The following POMGNT1 variants were observed in gnomAD, a reference collection of about 807,000 sequenced individuals.
POMGNT1 encodes the protein protein O-linked-mannose beta-1,2-N-acetylglucosaminyltransferase 1.
A neutral mutation model predicts 95.6 loss-of-function variants in POMGNT1; 67 were observed. That is an observed-to-expected ratio of 0.70 (90% CI 0.58 to 0.86). POMGNT1 has a LOEUF of 0.86. Ranked by LOEUF, POMGNT1 falls within the 40% of genes least tolerant of loss-of-function variation. The pLI, the probability that POMGNT1 is intolerant of heterozygous loss-of-function variation, is 0.00. For missense variants in POMGNT1, 719 were observed against 855.2 expected (o/e 0.84, Z 1.99); for synonymous variants, 298 against 317.9 (o/e 0.94, Z 0.66).
chr1:46,204,597 CT>C (rs1457690886), intron 1 of POMGNT1, among the ~76,000 whole-genome samples: 2 of 152,180 alleles, frequency 1.3e-5, no homozygotes, highest in Non-Finnish European at 2.9e-5. Context: ...ATCATGGGGG[CT>C]CTGAGACCAG....
chr1:46,202,801 G>T (rs1402860996), upstream of POMGNT1, among the ~76,000 whole-genome samples: 1 of 140,010 alleles, frequency 7.1e-6, no homozygotes, highest in Non-Finnish European at 1.5e-5. Context: ...TAATTCATAC[G>T]CACAGTCAAG....
intron 21 of POMGNT1, 26 bp from the exon 22 acceptor site, chr1:46,189,383 AGAG>A (rs1232466701): frequency 1.2e-6 from 2 of 1,614,120 alleles, no homozygotes; most frequent in Admixed American, 1.7e-5. Context: ...AAGAATGTAT[AGAG>A]AAGAAGCCAT....
upstream of POMGNT1, among the ~76,000 whole-genome samples, chr1:46,199,998 C>G (rs1339033430): frequency 2.0e-5 from 3 of 151,898 alleles, no homozygotes; most frequent in Admixed American, 2.0e-4. Context: ...GGTGAAACCC[C>G]GTCTCTACTA....
At chr1:46,213,919 G>T (rs1658981132) in intron 1 of POMGNT1, among the ~76,000 whole-genome samples, 1 of 151,962 alleles carries the variant, frequency 6.6e-6, no homozygotes, top group South Asian at 2.1e-4. Context: ...AGATCATCCT[G>T]TAGTGAGGCT....
intron 1 of POMGNT1, among the ~76,000 whole-genome samples, chr1:46,209,695 G>T (rs1658832956): frequency 6.6e-6 from 1 of 151,750 alleles, no homozygotes; most frequent in South Asian, 2.1e-4. Context: ...ATTTTTAGTA[G>T]AGACGGGGTT....
intron 1 of POMGNT1, among the ~76,000 whole-genome samples, chr1:46,212,309 C>G (rs900446826): frequency 6.8e-6 from 1 of 147,136 alleles, no homozygotes; most frequent in African/African-American, 2.5e-5. Flanking sequence ...GAGACGGAGT[C>G]TTGCTATGTC....
chr1:46,190,051 G>T, intron 19 of POMGNT1, 62 bp from the exon 20 acceptor site: 2 of 1,593,562 alleles, frequency 1.3e-6, no homozygotes, highest in Non-Finnish European at 1.7e-6. Flanking sequence ...GTGTCCCACA[G>T]GACCCTGTAC....
intron 1 of POMGNT1, among the ~76,000 whole-genome samples, chr1:46,211,439 GCACACACACA>G (rs57919535): frequency 1.6e-4 from 13 of 78,956 alleles, no homozygotes; most frequent in Non-Finnish European, 2.5e-4. Context: ...ATGAAAACCT[GCACACACACA>G]CACACACACA....
chr1:46,189,992 G>A lies in POMGNT1; in HGVS notation c.1650-3C>T. On this transcript the variant is annotated splice_region_variant and splice_polypyrimidine_tract_variant and intron_variant, in intron 19 of 21. Transcript: ENST00000371984. ...TGTGGTCCAGAACCTCAGCCTCACT[G>A]CAGTAGAGGGTGGGAGAATATAGCC... 6.2e-7 allele frequency: 1 copy of A among 1,613,834 alleles called. No individual in the cohort carries two copies. The highest frequency in any genetic ancestry group is 8.5e-7 in the Non-Finnish European group (1 of 1,179,940).
chr1:46,193,736 C>T lies in POMGNT1; in HGVS notation c.951-97G>A. ...GGCCCAGAGTCCCTATGCTTACCCA[C>T]AGAGGTGAATGCGTCTAGAATCTAT... is the stretch of plus-strand genomic sequence containing the variant. On this transcript the variant is annotated intron_variant, in intron 10 of 21. Coordinates refer to ENST00000371984, the MANE Select transcript of POMGNT1 (RefSeq NM_017739.4). The T allele has an allele frequency of 3.7e-6, 6 of 1,600,722 alleles. No individual in the cohort carries two copies. The South Asian group carries it at 5.6e-5, about 15-fold the overall frequency.
chr1:46,190,632 C>T lies in POMGNT1; in HGVS notation c.1604+88G>A, dbSNP rs868477256. 53 of 1,533,302 alleles carry T rather than the reference C, an allele frequency of 3.5e-5. 1 individual carries two copies. The South Asian group carries it at 5.7e-4, about 17-fold the overall frequency. The allele number at this position is 1,533,302 out of a possible 1,614,324, so 95.0% of individuals were successfully genotyped here. A position where few individuals can be genotyped will look rare whatever the true frequency, so the allele number is the denominator to read the frequency against. ...TCTGTAGCCGCAGGGCTGGAGTAAA[C>T]ACACAGGCCCAGCATTGGAAGGGAC... is the stretch of plus-strand genomic sequence containing the variant. On this transcript the variant is annotated intron_variant, in intron 18 of 21. Transcript: ENST00000371984.
At position 46,196,736 on chromosome 1, in the gene POMGNT1, T is replaced by A; in HGVS notation, c.349A>T (p.Thr117Ser). Residue 117 changes from threonine (T) to serine (S), a missense_variant, in exon 4 of 22, where the codon ACC becomes TCC. Thr to Ser is a moderately conservative substitution (Grantham distance 58). Around this residue, in one of 5 missense-constraint regions of POMGNT1, gnomAD observed 466 missense variants for 517.4 expected, o/e 0.90. Transcript: ENST00000371984. This position sits in a 1 kb window ranked among gnomAD's most constrained non-coding sequence, Gnocchi z 4.4. ...RSKVYVAVDG[T>S]TVLEDEAREQ... ...CCAGACCCTGGCCCACTGACCGTGG[T>A]GCCATCCACTGCCACATATACTTTG... 2.5e-6 allele frequency: 4 copies of A among 1,614,138 alleles called. No individual in the cohort carries two copies. Among genetic ancestry groups the A allele is most frequent in the Non-Finnish European group, 3.4e-6 (4 of 1,180,038 alleles).
In POMGNT1 at chr1:46,192,549, C is replaced by T. The variant is rs1657867095; in HGVS notation, c.1253G>A (p.Ser418Asn). The T allele has an allele frequency of 6.2e-7, 1 of 1,614,204 alleles. No individual in the cohort carries two copies. The highest frequency in any genetic ancestry group is 8.5e-7 in the Non-Finnish European group (1 of 1,180,034). Reference protein sequence around the residue: ...QSIHLLEEDDSLYCISAWNDQ... With the variant: ...QSIHLLEEDDNLYCISAWNDQ... ...ATTCCAGGCAGAGATGCAGTACAGGCTGTCATCCTCCTCCAGTAGGTGGAT... is the reference window on the plus strand; with the variant it reads ...ATTCCAGGCAGAGATGCAGTACAGGTTGTCATCCTCCTCCAGTAGGTGGAT... The change falls in exon 15 of 22, where the codon AGC becomes AAC. Residue 418 changes from serine to asparagine, a missense_variant. By Grantham distance (46) the Ser-to-Asn change is conservative. This residue lies in a region of POMGNT1 where 118 missense variants were observed against 153.6 expected (regional missense o/e 0.77). Coordinates refer to ENST00000371984, the MANE Select transcript of POMGNT1 (RefSeq NM_017739.4).
intron 5 of POMGNT1, 39 bp from the exon 6 acceptor site, chr1:46,195,963 G>A: frequency 1.2e-6 from 2 of 1,614,126 alleles, no homozygotes; most frequent in Non-Finnish European, 1.7e-6. Context: ...GGTGTCATCA[G>A]CAAGAGCCCA....
At chr1:46,192,828 C>G in intron 14 of POMGNT1, 72 bp downstream of exon 14, 1 of 1,607,492 alleles carries the variant, frequency 6.2e-7, no homozygotes, top group Non-Finnish European at 8.5e-7. Context: ...CCAGAAAGCT[C>G]TCTAGGACAC....
At chr1:46,202,822 A>G (rs1381533365), upstream of POMGNT1, among the ~76,000 whole-genome samples, 1 of 138,702 alleles carries the variant, frequency 7.2e-6, no homozygotes, top group African/African-American at 2.6e-5. Context: ...CTTAAGGAGC[A>G]TCTTGCTTGT....
At chr1:46,194,802 G>C (rs1557675646) in intron 7 of POMGNT1, 42 bp downstream of exon 7, 1 of 1,613,610 alleles carries the variant, frequency 6.2e-7, no homozygotes, top group Non-Finnish European at 8.5e-7. Context: ...GCTCCTCCCA[G>C]GCTCTTGATA....
At chr1:46,214,261 G>A (rs1466711756) in intron 1 of POMGNT1, among the ~76,000 whole-genome samples, 2 of 151,694 alleles carry the variant, frequency 1.3e-5, no homozygotes, top group East Asian at 1.9e-4. Context: ...CATGAGAATC[G>A]CTTGAACCTG....
At chr1:46,219,687 C>T in intron 1 of POMGNT1, 1 of 1,557,434 alleles carries the variant, frequency 6.4e-7, no homozygotes, top group Non-Finnish European at 8.7e-7. Flanking sequence ...ATTCCTTCTC[C>T]CACTCCCCCA....
Sources: gnomAD v4.1 joint callset for allele counts (sites outside exome capture counted in the v4.1 genomes callset) on GRCh38, gnomAD v4.1.1 for gene constraint, gnomAD v4.1.1 regional missense constraint, Gnocchi (gnomAD v3.1) non-coding constraint, MANE v1.5 for transcripts, NCBI Gene and HGNC (gene_info 2026-07-23, HGNC 2026-07-21) for gene names.